Variants in RBFOX1 observed in about 807,000 individuals in gnomAD.
RBFOX1 encodes the protein RNA binding protein fox-1 homolog 1.
Under a neutral mutation model 57.7 loss-of-function variants are expected in RBFOX1, and 8 were observed. The observed-to-expected ratio is 0.14, with a 90% confidence interval of 0.08 to 0.25. The LOEUF is 0.25. Among genes scored for constraint, RBFOX1 ranks in the 10% least tolerant of loss-of-function variants. The probability of loss-of-function intolerance (pLI) is 1.00; values close to 1 mark genes in which losing one functional copy is unlikely to be tolerated. For synonymous variants in RBFOX1, 326 were observed against 222.4 expected, an observed-to-expected ratio of 1.47 and a Z score of -4.15; for missense variants, 611 against 548.5, an observed-to-expected ratio of 1.11 and a Z score of -1.14.
intron 3 of RBFOX1, among the ~76,000 whole-genome samples, chr16:5,834,805 G>C (rs192907665): frequency 0.015 from 2,274 of 151,042 alleles, 30 homozygotes; most frequent in Middle Eastern, 0.034. Context: ...TAGATAGATA[G>C]ATAGATAGAT....
chr16:7,706,950 T>C (rs7199404), intron 14 of RBFOX1, among the ~76,000 whole-genome samples: 3,820 of 152,322 alleles, frequency 0.025, 86 homozygotes, highest in Non-Finnish European at 0.036. Flanking sequence ...GACCGATACC[T>C]GTTTTTCCTC....
At chr16:7,366,684 C>G (rs936195444) in intron 4 of RBFOX1, among the ~76,000 whole-genome samples, 1 of 151,692 alleles carries the variant, frequency 6.6e-6, no homozygotes, top group Non-Finnish European at 1.5e-5. Context: ...TTTGTCAAGC[C>G]TGCATTGTGC....
intron 2 of RBFOX1, among the ~76,000 whole-genome samples, chr16:5,552,443 G>A (rs965802405): frequency 4.6e-5 from 7 of 152,134 alleles, no homozygotes; most frequent in South Asian, 2.1e-4. Flanking sequence ...CAAGAGGTGC[G>A]GGATGTTTTA....
intron 3 of RBFOX1, among the ~76,000 whole-genome samples, chr16:7,001,398 T>A (rs9746954): frequency 0.018 from 1,822 of 100,708 alleles, 42 homozygotes; most frequent in East Asian, 0.037. Context: ...GTATGTGTAT[T>A]TGTATATGTA....
chr16:6,691,554 G>A (rs1047869405), intron 3 of RBFOX1, among the ~76,000 whole-genome samples: 9 of 151,996 alleles, frequency 5.9e-5, no homozygotes, highest in African/African-American at 1.9e-4. Flanking sequence ...CACATTACAC[G>A]CGTTATATGT....
At chr16:7,500,754 A>G (rs146842484) in intron 4 of RBFOX1, among the ~76,000 whole-genome samples, 141 of 152,314 alleles carry the variant, frequency 9.3e-4, no homozygotes, top group African/African-American at 3.3e-3. Context: ...AATGCTCCCA[A>G]TAACCTTTAC....
At chr16:5,889,064 G>A (rs1011762044) in intron 4 of RBFOX1, among the ~76,000 whole-genome samples, 5 of 152,100 alleles carry the variant, frequency 3.3e-5, no homozygotes, top group Admixed American at 6.5e-5. Flanking sequence ...ATGTCACTAC[G>A]TAGTCATTTA....
intron 2 of RBFOX1, among the ~76,000 whole-genome samples, chr16:6,473,443 G>C (rs1449709744): frequency 6.6e-6 from 1 of 151,970 alleles, no homozygotes. Context: ...TCATCACAAG[G>C]CTATTTCCCA....
intron 3 of RBFOX1, among the ~76,000 whole-genome samples, chr16:5,655,521 G>T (rs2049397539): frequency 6.6e-6 from 1 of 152,184 alleles, no homozygotes; most frequent in Non-Finnish European, 1.5e-5. Flanking sequence ...GCGATGAATG[G>T]TGCTTTAAAT....
chr16:7,618,701 C>T (rs1480682638), intron 10 of RBFOX1, among the ~76,000 whole-genome samples: 9 of 151,916 alleles, frequency 5.9e-5, no homozygotes, highest in African/African-American at 2.2e-4. Flanking sequence ...TGTTTAATAC[C>T]CTTTCTGTTA....
At position 6,215,085 on chromosome 16, in the gene RBFOX1, G is replaced by C. The variant is rs141504762; in HGVS notation, c.-126-101910G>C. 1.1e-3 allele frequency among the ~76,000 whole-genome samples: 145 copies of C among 132,968 alleles called. 2 individuals are homozygous for C. Among genetic ancestry groups the C allele is most frequent in the African/African-American group, 3.6e-3 (128 of 35,280 alleles). The allele number at this position is 132,968 out of a possible 152,430, so 87.2% of individuals were successfully genotyped here. A position where few individuals can be genotyped will look rare whatever the true frequency, so the allele number is the denominator to read the frequency against. ...AGAGGGACGGGGAGATGGGGAGAGA[G>C]AAGGAGAGGAGAAGGAGAGGGAGAG... On this transcript the variant is annotated intron_variant, in intron 1 of 15. Coordinates refer to ENST00000550418, the MANE Select transcript of RBFOX1 (RefSeq NM_018723.4).
At chr16:6,119,862 C>A (rs184633755) in intron 1 of RBFOX1, among the ~76,000 whole-genome samples, 7 of 152,148 alleles carry the variant, frequency 4.6e-5, no homozygotes, top group African/African-American at 1.7e-4. Context: ...GTTATGCAAC[C>A]GCTACCTCTA....
intron 4 of RBFOX1, among the ~76,000 whole-genome samples, chr16:7,330,993 T>C (rs886758168): frequency 3.9e-5 from 6 of 152,138 alleles, no homozygotes; most frequent in Admixed American, 6.5e-5. Context: ...GCGCAGCTGT[T>C]ATGGGAGCTT....
intron 3 of RBFOX1, among the ~76,000 whole-genome samples, chr16:6,727,185 G>A (rs1306788210): frequency 1.3e-5 from 2 of 151,812 alleles, no homozygotes; most frequent in East Asian, 1.9e-4. Context: ...AAGAAGAGGT[G>A]AGACTCACTA....
intron 3 of RBFOX1, among the ~76,000 whole-genome samples, chr16:6,885,222 GT>G (rs540249214): frequency 2.0e-5 from 3 of 152,138 alleles, no homozygotes; most frequent in Non-Finnish European, 4.4e-5. Flanking sequence ...TAGAACTGTG[GT>G]TTTTCAGATG....
At chr16:5,372,238 C>T (rs1326105991) in intron 1 of RBFOX1, among the ~76,000 whole-genome samples, 10 of 152,162 alleles carry the variant, frequency 6.6e-5, no homozygotes, top group East Asian at 1.9e-4. Context: ...AAGGGTTTCA[C>T]GGGTCCACTG....
At chr16:5,395,796 C>T (rs1353075366) in intron 1 of RBFOX1, among the ~76,000 whole-genome samples, 1 of 152,224 alleles carries the variant, frequency 6.6e-6, no homozygotes, top group Non-Finnish European at 1.5e-5. Flanking sequence ...AAGCAGGCAT[C>T]TGTGGAGTAT....
In RBFOX1 at chr16:7,254,440, T is replaced by A. The variant is rs184657030; in HGVS notation, c.27+202342T>A. Reference sequence around the variant, plus strand: ...CATTGCCAAGATATCACTGGCCTGATTAAACAAGCTGCGGTCTCTAAAGAC... The same window carrying A: ...CATTGCCAAGATATCACTGGCCTGAATAAACAAGCTGCGGTCTCTAAAGAC... On this transcript the variant is annotated intron_variant, in intron 4 of 15. Transcript: ENST00000550418. Among the ~76,000 whole-genome samples the A allele has an allele frequency of 3.0e-3, 450 of 152,276 alleles. 6 individuals are homozygous for A. Among genetic ancestry groups the A allele is most frequent in the African/African-American group, 9.6e-3 (397 of 41,568 alleles).
At chr16:7,024,904 C>G (rs1050791705) in intron 3 of RBFOX1, among the ~76,000 whole-genome samples, 2 of 152,136 alleles carry the variant, frequency 1.3e-5, no homozygotes, top group Non-Finnish European at 2.9e-5. Flanking sequence ...ACCTGCTGCA[C>G]TCCTCACTTT....
Sources: gnomAD v4.1 joint callset for allele counts (sites outside exome capture counted in the v4.1 genomes callset) on GRCh38, gnomAD v4.1.1 for gene constraint, MANE v1.5 for transcripts, NCBI Gene and HGNC (gene_info 2026-07-23, HGNC 2026-07-21) for gene names.